CSGALNACT1: variants seen among roughly 807,000 people sequenced by gnomAD.
The protein encoded by CSGALNACT1 is beta4GalNAcT-1.
CSGALNACT1 carries 52 observed loss-of-function variants against 51.0 expected under a neutral mutation model. That is an observed-to-expected ratio of 1.02 (90% confidence interval 0.82 to 1.29). The LOEUF (loss-of-function observed/expected upper bound fraction) is 1.29, where lower values mean the gene tolerates loss of function less well. Ranked by LOEUF, CSGALNACT1 falls within the 50% of genes most tolerant of loss-of-function variation. The probability of loss-of-function intolerance (pLI) is 0.00; values close to 1 mark genes in which losing one functional copy is unlikely to be tolerated. For synonymous variants in CSGALNACT1, 341 were observed against 254.4 expected, an observed-to-expected ratio of 1.34 and a Z score of -3.24; for missense variants, 935 against 679.2, an observed-to-expected ratio of 1.38 and a Z score of -4.19.
chr8:19,726,490 C>A (rs189395227), intron 1 of CSGALNACT1, among the ~76,000 whole-genome samples: 5 of 152,148 alleles, frequency 3.3e-5, no homozygotes, highest in African/African-American at 1.2e-4. Context: ...TTACAGAGTA[C>A]AACATGATGT....
intron 1 of CSGALNACT1, among the ~76,000 whole-genome samples, chr8:19,706,751 G>A (rs896509084): frequency 9.2e-5 from 14 of 152,122 alleles, no homozygotes; most frequent in African/African-American, 3.4e-4. Flanking sequence ...AGCCTCCCTA[G>A]TAGCTGGCAC....
chr8:19,723,870 T>C (rs1210090841), intron 1 of CSGALNACT1, among the ~76,000 whole-genome samples: 1 of 152,210 alleles, frequency 6.6e-6, no homozygotes, highest in African/African-American at 2.4e-5. Context: ...AACAGAGCTC[T>C]GACCTATAGT....
At chr8:19,599,529 G>GAAAGAAAGA in intron 2 of CSGALNACT1, among the ~76,000 whole-genome samples, 1 of 121,502 alleles carries the variant, frequency 8.2e-6, no homozygotes, top group Non-Finnish European at 1.8e-5. Context: ...AGAAAGAAAA[G>GAAAGAAAGA]AAAGAAAAAG....
chr8:19,616,926 T>A (rs1343066514), intron 1 of CSGALNACT1, among the ~76,000 whole-genome samples: 1 of 152,164 alleles, frequency 6.6e-6, no homozygotes, highest in Non-Finnish European at 1.5e-5. Flanking sequence ...GGGAGATGAT[T>A]TGGGGATGAT....
At chr8:19,408,814 CCACTGG>C in intron 8 of CSGALNACT1, 120 bp from the exon 8 acceptor site, 1 of 844,368 alleles carries the variant, frequency 1.2e-6, no homozygotes, top group East Asian at 2.5e-5. Flanking sequence ...TAAACAGCCT[CCACTGG>C]TGCAGGAAAC....
At chr8:19,562,333 T>C (rs1294252478) in intron 3 of CSGALNACT1, among the ~76,000 whole-genome samples, 1 of 151,902 alleles carries the variant, frequency 6.6e-6, no homozygotes, top group African/African-American at 2.4e-5. Context: ...CATAGAATAG[T>C]AATGACTTAG....
chr8:19,470,643 T>A (rs572429042), intron 4 of CSGALNACT1, among the ~76,000 whole-genome samples: 4 of 152,068 alleles, frequency 2.6e-5, no homozygotes, highest in South Asian at 2.1e-4. Flanking sequence ...CCTAGAAATG[T>A]AAGGGGATGA....
chr8:19,411,449 G>A (rs1381434147), intron 8 of CSGALNACT1, among the ~76,000 whole-genome samples: 1 of 152,138 alleles, frequency 6.6e-6, no homozygotes, highest in Admixed American at 6.5e-5. Flanking sequence ...CTTCCTCAAT[G>A]AATGAACCAA....
At chr8:19,534,252 G>A (rs2083326621) in intron 3 of CSGALNACT1, among the ~76,000 whole-genome samples, 1 of 152,100 alleles carries the variant, frequency 6.6e-6, no homozygotes, top group Non-Finnish European at 1.5e-5. Context: ...AGGAGTTCGA[G>A]ACTAGCCTGG....
intron 4 of CSGALNACT1, among the ~76,000 whole-genome samples, chr8:19,489,065 G>A (rs997974542): frequency 1.3e-5 from 2 of 152,180 alleles, no homozygotes; most frequent in Non-Finnish European, 2.9e-5. Context: ...ATGGAGATGA[G>A]AGATGGGGAG....
chr8:19,751,933 G>A (rs1158995394), intron 1 of CSGALNACT1, among the ~76,000 whole-genome samples: 1 of 151,680 alleles, frequency 6.6e-6, no homozygotes, highest in African/African-American at 2.4e-5. Flanking sequence ...CCCAGTCTCA[G>A]GTAGTTCTTT....
At chr8:19,533,329 C>T (rs1453978425) in intron 3 of CSGALNACT1, among the ~76,000 whole-genome samples, 2 of 151,954 alleles carry the variant, frequency 1.3e-5, no homozygotes, top group African/African-American at 4.8e-5. Context: ...GCTATGTTGC[C>T]CAGGCTGGTC....
At chr8:19,750,489 A>G (rs1231017368) in intron 1 of CSGALNACT1, among the ~76,000 whole-genome samples, 2 of 152,196 alleles carry the variant, frequency 1.3e-5, no homozygotes, top group Non-Finnish European at 2.9e-5. Context: ...GGACACTGCT[A>G]TTGGTTGGTA....
intron 1 of CSGALNACT1, among the ~76,000 whole-genome samples, chr8:19,699,336 A>G (rs1382271601): frequency 2.6e-5 from 4 of 152,202 alleles, no homozygotes; most frequent in Non-Finnish European, 5.9e-5. Context: ...ATTTCTGTAC[A>G]CCCATGTTCA....
intron 3 of CSGALNACT1, among the ~76,000 whole-genome samples, chr8:19,586,110 C>A (rs2046571600): frequency 6.6e-6 from 1 of 152,100 alleles, no homozygotes; most frequent in African/African-American, 2.4e-5. Flanking sequence ...TGCCTGTAAT[C>A]CCAGCACTTT....
At chr8:19,633,887 C>A (rs2055640410) in intron 1 of CSGALNACT1, among the ~76,000 whole-genome samples, 1 of 152,184 alleles carries the variant, frequency 6.6e-6, no homozygotes, top group Non-Finnish European at 1.5e-5. Flanking sequence ...ATGCAAAGCT[C>A]TTCTGAGACT....
chr8:19,689,225 T>A lies in CSGALNACT1; in HGVS notation c.-297+68625A>T, dbSNP rs181938521. 6.6e-5 allele frequency among the ~76,000 whole-genome samples: 10 copies of A among 152,280 alleles called. No homozygotes were observed. The East Asian group carries it at 1.9e-3, about 29-fold the overall frequency. On this transcript the variant is annotated intron_variant, in intron 1 of 1. Coordinates refer to the CSGALNACT1 transcript ENST00000517494. ...TGTATTATAGTTCTCCACCTGGTTC[T>A]CCTGGAACAATCACTCTTATAACCC...
chr8:19,649,871 C>G (rs959429332), intron 1 of CSGALNACT1, among the ~76,000 whole-genome samples: 2 of 118,252 alleles, frequency 1.7e-5, no homozygotes, highest in African/African-American at 6.3e-5. Context: ...TTATGTATCT[C>G]TTAATTGTAA....
intron 1 of CSGALNACT1, among the ~76,000 whole-genome samples, chr8:19,718,850 G>A (rs1448768981): frequency 6.6e-6 from 1 of 152,094 alleles, no homozygotes; most frequent in Non-Finnish European, 1.5e-5. Context: ...CAGACCACAG[G>A]AATGAACTTC....
Sources: gnomAD v4.1 joint callset for allele counts (sites outside exome capture counted in the v4.1 genomes callset) on GRCh38, gnomAD v4.1.1 for gene constraint, MANE v1.5 for transcripts, NCBI Gene and HGNC (gene_info 2026-07-23, HGNC 2026-07-21) for gene names.